Variants in RALGPS1 observed in about 807,000 individuals in gnomAD.
RALGPS1 encodes the protein ras-specific guanine nucleotide-releasing factor RalGPS1.
A neutral mutation model predicts 78.8 loss-of-function variants in RALGPS1; 19 were observed. The observed-to-expected ratio is 0.24, with a 90% CI of 0.17 to 0.35. The LOEUF (loss-of-function observed/expected upper bound fraction) is 0.35, where lower values mean the gene tolerates loss of function less well. Ranked by LOEUF, RALGPS1 falls within the 10% of genes least tolerant of loss-of-function variation. The pLI, the probability that RALGPS1 is intolerant of heterozygous loss-of-function variation, is 1.00. For missense variants in RALGPS1, 454 were observed against 688.3 expected, an observed-to-expected ratio of 0.66 and a Z score of 3.81; for synonymous variants, 228 against 256.3, an observed-to-expected ratio of 0.89 and a Z score of 1.06.
At chr9:126,960,509 C>T (rs770091062) in intron 1 of RALGPS1, among the ~76,000 whole-genome samples, 2 of 151,994 alleles carry the variant, frequency 1.3e-5, no homozygotes, top group South Asian at 2.1e-4. Context: ...GCTGGGATTA[C>T]AGGTGTGAGC....
At chr9:127,006,829 G>A (rs1260809668) in intron 4 of RALGPS1, among the ~76,000 whole-genome samples, 2 of 152,030 alleles carry the variant, frequency 1.3e-5, no homozygotes, top group South Asian at 2.1e-4. Context: ...CCAGGGTACA[G>A]CATACTTTGT....
chr9:127,187,647 T>C (rs2060737453), intron 11 of RALGPS1, among the ~76,000 whole-genome samples: 1 of 152,146 alleles, frequency 6.6e-6, no homozygotes. Flanking sequence ...GAAAACACTT[T>C]TCTGAGTCAG....
At chr9:127,167,053 C>T (rs2059329999) in intron 9 of RALGPS1, among the ~76,000 whole-genome samples, 1 of 152,134 alleles carries the variant, frequency 6.6e-6, no homozygotes, top group Non-Finnish European at 1.5e-5. Flanking sequence ...GGGCTCTAGG[C>T]ACCTGCCTCT....
intron 8 of RALGPS1, among the ~76,000 whole-genome samples, chr9:127,143,333 C>T (rs973590410): frequency 6.6e-5 from 10 of 152,178 alleles, no homozygotes; most frequent in Admixed American, 2.0e-4. Context: ...ATGGGTTTCC[C>T]GATTTCACCA....
chr9:127,121,867 C>T (rs930434607), intron 8 of RALGPS1, among the ~76,000 whole-genome samples: 2 of 152,192 alleles, frequency 1.3e-5, no homozygotes, highest in South Asian at 2.1e-4. Context: ...CTTGCCTTTG[C>T]CTCACATTGT....
intron 4 of RALGPS1, among the ~76,000 whole-genome samples, chr9:127,021,575 T>G (rs138491965): frequency 1.3e-5 from 2 of 150,278 alleles, no homozygotes; most frequent in Non-Finnish European, 3.0e-5. Flanking sequence ...TTTTCTGTAA[T>G]GAACATGTAT....
chr9:126,963,773 C>G (rs963908866), intron 2 of RALGPS1, among the ~76,000 whole-genome samples: 2 of 152,210 alleles, frequency 1.3e-5, no homozygotes, highest in Non-Finnish European at 2.9e-5. Flanking sequence ...GGTGGGGATT[C>G]AAAGCCAGGC....
chr9:127,212,728 C>T lies in RALGPS1; in HGVS notation c.1446+9C>T. The T allele has an allele frequency of 6.3e-7, 1 of 1,598,350 alleles. No individual in the cohort carries two copies. The highest frequency in any genetic ancestry group is 8.6e-7 in the Non-Finnish European group (1 of 1,166,402). On this transcript the variant is annotated intron_variant, in intron 16 of 18. Transcript: ENST00000259351. This position sits in a 1 kb window ranked among gnomAD's most constrained non-coding sequence, Gnocchi z 6.0. ...GCACAGACAGAAAACACGTAAGTCCCTTGAAAGGACTCTAGTGCTGGGACT... is the reference window on the plus strand; with the variant it reads ...GCACAGACAGAAAACACGTAAGTCCTTTGAAAGGACTCTAGTGCTGGGACT...
At chr9:127,039,407 G>A (rs1724908721) in intron 5 of RALGPS1, among the ~76,000 whole-genome samples, 1 of 152,182 alleles carries the variant, frequency 6.6e-6, no homozygotes. Flanking sequence ...CAGGTTGAGT[G>A]GTAGATGTGA....
intron 1 of RALGPS1, among the ~76,000 whole-genome samples, chr9:126,931,846 G>A (rs1464378474): frequency 1.3e-5 from 2 of 152,076 alleles, no homozygotes; most frequent in Non-Finnish European, 2.9e-5. Flanking sequence ...AAGAAAGATA[G>A]ACAAAAAAGA....
intron 11 of RALGPS1, among the ~76,000 whole-genome samples, chr9:127,186,506 A>AC (rs1263621250): frequency 4.6e-5 from 7 of 152,230 alleles, no homozygotes; most frequent in African/African-American, 1.7e-4. Flanking sequence ...CCCAGAAGAC[A>AC]CGTGTCCCTG....
intron 8 of RALGPS1, 61 bp from the exon 9 acceptor site, chr9:127,166,008 G>A (rs1198317420): frequency 1.9e-6 from 3 of 1,542,432 alleles, no homozygotes; most frequent in African/African-American, 2.8e-5. Context: ...ACTATTTTGT[G>A]CTATTTTGTT....
intron 3 of RALGPS1, among the ~76,000 whole-genome samples, chr9:126,975,795 C>T (rs2040553197): frequency 6.6e-6 from 1 of 152,136 alleles, no homozygotes; most frequent in South Asian, 2.1e-4. Context: ...TCAAGAGTCT[C>T]CTTGACATCA....
chr9:127,210,393 A>G (rs1454899917), intron 14 of RALGPS1: 5 of 426,342 alleles, frequency 1.2e-5, no homozygotes, highest in African/African-American at 2.0e-5. Flanking sequence ...TGCTGAGGCA[A>G]GTGGGCGTGC....
chr9:127,187,987 C>A (rs2060762788), intron 11 of RALGPS1, among the ~76,000 whole-genome samples: 1 of 151,610 alleles, frequency 6.6e-6, no homozygotes, highest in African/African-American at 2.4e-5. Flanking sequence ...CCAGGGGTGG[C>A]CCAAGAAACT....
intron 8 of RALGPS1, among the ~76,000 whole-genome samples, chr9:127,097,156 G>GT (rs893787279): frequency 2.6e-5 from 4 of 152,214 alleles, no homozygotes; most frequent in Non-Finnish European, 5.9e-5. Context: ...TTGTCGAGGT[G>GT]TAAAACTTTT....
chr9:126,967,750 C>T (rs1268121427), intron 3 of RALGPS1, among the ~76,000 whole-genome samples: 16 of 151,838 alleles, frequency 1.1e-4, no homozygotes. Flanking sequence ...GTTGCTGTGG[C>T]TGGTCTCCAA....
Position 126,914,917 on chromosome 9 carries a change from C to T in RALGPS1, c.-124C>T, listed in dbSNP as rs1389437134. 5.9e-5 allele frequency: 9 copies of T among 151,582 alleles called. No individual in the cohort carries two copies. Among genetic ancestry groups the T allele is most frequent in the African/African-American group, 1.2e-4 (5 of 41,356 alleles). The allele number at this position is 151,582 out of a possible 1,614,324, so 9.4% of individuals were successfully genotyped here. A position where few individuals can be genotyped will look rare whatever the true frequency, so the allele number is the denominator to read the frequency against. ...GGCCTCCAAGCGAAGGCGCCGCTGC[C>T]GCTGGGCCGCTCCCAGGGCCATGAG... On this transcript the variant is annotated 5_prime_UTR_variant, in exon 1 of 19. Transcript: ENST00000259351.
rs115944063 is a variant in RALGPS1 at position 127,097,456 on chromosome 9, A to G, written c.610+28100A>G. Among the ~76,000 whole-genome samples, 508 of 152,356 alleles carry G rather than the reference A, an allele frequency of 3.3e-3. 8 individuals carry two copies. The highest frequency in any genetic ancestry group is 0.012 in the African/African-American group (485 of 41,570). ...CATCAAAAACACAAATTCAAACACA[A>G]TTTCCCTTAGAACCCTTAGTAGACC... On this transcript the variant is annotated intron_variant, in intron 8 of 18. Coordinates refer to ENST00000259351, the MANE Select transcript of RALGPS1 (RefSeq NM_014636.3).
Sources: allele counts gnomAD v4.1 joint callset (sites outside exome capture counted in the v4.1 genomes callset), GRCh38; gene constraint gnomAD v4.1.1; non-coding constraint Gnocchi (gnomAD v3.1); transcripts MANE v1.5; gene names NCBI Gene and HGNC (gene_info 2026-07-23, HGNC 2026-07-21).